ZNF98: variants seen among roughly 807,000 people sequenced by gnomAD.
The protein encoded by ZNF98 is zinc finger protein 98.
In ZNF98, 8 loss-of-function variants were observed where a neutral mutation model predicts 12.8. That is an observed-to-expected ratio of 0.63 (90% CI 0.37 to 1.13). ZNF98 has a LOEUF of 1.13. Among genes scored for constraint, ZNF98 ranks in the 50% most tolerant of loss-of-function variants. The pLI is 0.01. For synonymous variants in ZNF98, 112 were observed against 223.5 expected (o/e 0.50, Z 4.45); for missense variants, 379 against 666.1 (o/e 0.57, Z 4.74).
At chr19:22,404,250 T>C (rs1476830771) in intron 1 of ZNF98, among the ~76,000 whole-genome samples, 4 of 152,162 alleles carry the variant, frequency 2.6e-5, no homozygotes, top group African/African-American at 9.6e-5. Context: ...AAATTTGGAA[T>C]AAAATCTGAG....
At chr19:22,395,876 G>GAAAA (rs56132872) in intron 3 of ZNF98, among the ~76,000 whole-genome samples, 17 of 145,120 alleles carry the variant, frequency 1.2e-4, no homozygotes, top group Admixed American at 2.8e-4. Flanking sequence ...TGAGGGGGGG[G>GAAAA]AAAAAAAAAA....
intron 1 of ZNF98, among the ~76,000 whole-genome samples, chr19:22,418,100 A>G (rs531079783): frequency 1.3e-5 from 2 of 152,270 alleles, no homozygotes; most frequent in Non-Finnish European, 2.9e-5. Context: ...TCATTGTCTA[A>G]CATTTGAATT....
intron 3 of ZNF98, among the ~76,000 whole-genome samples, chr19:22,395,369 G>C (rs1162864190): frequency 6.6e-6 from 1 of 151,396 alleles, no homozygotes; most frequent in Non-Finnish European, 1.5e-5. Context: ...TAGCTTTTTT[G>C]ATGTCCAAAT....
At chr19:22,405,910 T>C (rs540313134) in intron 1 of ZNF98, among the ~76,000 whole-genome samples, 1 of 152,246 alleles carries the variant, frequency 6.6e-6, no homozygotes, top group South Asian at 2.1e-4. Flanking sequence ...CCTCATTTTG[T>C]GGGGCCACCC....
At position 22,403,472 on chromosome 19, in the gene ZNF98, A is replaced by G. The variant is rs749398337; in HGVS notation, c.71T>C (p.Leu24Pro). 1.9e-6 allele frequency: 3 copies of G among 1,605,764 alleles called. No homozygotes were observed. The South Asian group carries it at 3.3e-5, about 18-fold the overall frequency. Residue 24 changes from leucine to proline, a missense_variant, in exon 2 of 4, where the codon CTG becomes CCG. By Grantham distance (98) the Leu-to-Pro change is moderately conservative. Coordinates refer to ENST00000357774, the MANE Select transcript of ZNF98 (RefSeq NM_001098626.2). ...TFRDVALEFSLEEWQCLDTAQ... is the reference protein window; with the variant it reads ...TFRDVALEFSPEEWQCLDTAQ... ...GGTGTCCAGGCATTGCCACTCCTCC[A>G]GAGAGAATTCTAAGGCCACATCCCT...
chr19:22,409,906 T>C (rs1969562187), intron 1 of ZNF98, among the ~76,000 whole-genome samples: 1 of 94,406 alleles, frequency 1.1e-5, no homozygotes, highest in African/African-American at 4.6e-5. Flanking sequence ...AACGAGACTC[T>C]ATCTCACAAA....
intron 1 of ZNF98, among the ~76,000 whole-genome samples, chr19:22,412,416 C>A (rs1488944020): frequency 6.6e-6 from 1 of 151,964 alleles, no homozygotes; most frequent in Non-Finnish European, 1.5e-5. Context: ...TGCAACACAG[C>A]TAAGGCAGTG....
At chr19:22,395,221 G>A (rs10408428) in intron 3 of ZNF98, among the ~76,000 whole-genome samples, 8 of 146,482 alleles carry the variant, frequency 5.5e-5, no homozygotes, top group Non-Finnish European at 3.0e-5. Flanking sequence ...AATAAACTCC[G>A]CTGACTAAAA....
At chr19:22,419,785 A>C (rs573446594) in intron 1 of ZNF98, among the ~76,000 whole-genome samples, 2 of 152,328 alleles carry the variant, frequency 1.3e-5, no homozygotes, top group South Asian at 4.1e-4. Context: ...ATTAAGCATG[A>C]AACTCAGAAG....
intron 1 of ZNF98, among the ~76,000 whole-genome samples, chr19:22,417,229 C>CAAAAAAAAAA (rs57152900): frequency 4.4e-5 from 2 of 45,480 alleles, no homozygotes; most frequent in African/African-American, 2.1e-4. Context: ...AACTCCATCT[C>CAAAAAAAAAA]AAAAAAAAAA....
At chr19:22,405,269 T>TTAA (rs1180319662) in intron 1 of ZNF98, among the ~76,000 whole-genome samples, 1 of 123,598 alleles carries the variant, frequency 8.1e-6, no homozygotes, top group Admixed American at 8.6e-5. Context: ...CATGCTTAGC[T>TTAA]AAAAAAAAAA....
chr19:22,411,146 T>C (rs1452280051), intron 1 of ZNF98, among the ~76,000 whole-genome samples: 1 of 152,122 alleles, frequency 6.6e-6, no homozygotes, highest in African/African-American at 2.4e-5. Context: ...AGGTTCAAGC[T>C]GTTCTTCTGT....
At chr19:22,415,676 T>TG (rs1969631822) in intron 1 of ZNF98, among the ~76,000 whole-genome samples, 1 of 148,876 alleles carries the variant, frequency 6.7e-6, no homozygotes, top group Non-Finnish European at 1.5e-5. Flanking sequence ...CTCAGCTATG[T>TG]GGGGGGCTAA....
At chr19:22,395,959 C>T (rs1313809531) in intron 3 of ZNF98, among the ~76,000 whole-genome samples, 1 of 150,376 alleles carries the variant, frequency 6.6e-6, no homozygotes, top group Admixed American at 6.6e-5. Flanking sequence ...TCCAAAACAA[C>T]CAAATTCTGA....
intron 2 of ZNF98, 60 bp from the exon 3 acceptor site, chr19:22,402,944 G>A (rs1969475929): frequency 6.7e-7 from 1 of 1,493,000 alleles, no homozygotes; most frequent in East Asian, 2.4e-5. Context: ...ATTTAGTAGT[G>A]TGTTCAGTAA....
chr19:22,416,005 G>C (rs947825226), intron 1 of ZNF98, among the ~76,000 whole-genome samples: 1 of 134,342 alleles, frequency 7.4e-6, no homozygotes, highest in Non-Finnish European at 1.6e-5. Context: ...TTAGCTGGGC[G>C]TGGTGGCAGG....
intron 1 of ZNF98, among the ~76,000 whole-genome samples, chr19:22,413,556 C>T: frequency 6.6e-6 from 1 of 152,082 alleles, no homozygotes; most frequent in Admixed American, 6.6e-5. Flanking sequence ...TATGACAACA[C>T]TGTGAAAACA....
intron 1 of ZNF98, among the ~76,000 whole-genome samples, chr19:22,416,783 A>G (rs1418331766): frequency 6.6e-6 from 1 of 152,108 alleles, no homozygotes; most frequent in African/African-American, 2.4e-5. Flanking sequence ...ATAAATTATC[A>G]TAAAATAGTG....
At chr19:22,396,485 CAAATA>C (rs1397557933) in intron 3 of ZNF98, among the ~76,000 whole-genome samples, 1 of 152,066 alleles carries the variant, frequency 6.6e-6, no homozygotes, top group African/African-American at 2.4e-5. Context: ...ATGCAAGAAT[CAAATA>C]AAATAATTAA....
Sources: gnomAD v4.1 joint callset for allele counts (sites outside exome capture counted in the v4.1 genomes callset) on GRCh38, gnomAD v4.1.1 for gene constraint, MANE v1.5 for transcripts, NCBI Gene and HGNC (gene_info 2026-07-23, HGNC 2026-07-21) for gene names.